DNM3: variants seen among roughly 807,000 people sequenced by gnomAD.
The protein encoded by DNM3 is dynamin 3.
A neutral mutation model predicts 101.6 loss-of-function variants in DNM3; 47 were observed. The ratio of observed to expected loss-of-function variants is 0.46; its 90% CI spans 0.37 to 0.59. The LOEUF (loss-of-function observed/expected upper bound fraction) is 0.59, where lower values mean the gene tolerates loss of function less well. Among genes scored for constraint, DNM3 ranks in the 20% least tolerant of loss-of-function variants. The pLI, the probability that DNM3 is intolerant of heterozygous loss-of-function variation, is 0.00. For synonymous variants in DNM3, 385 were observed against 387.9 expected (o/e 0.99, Z 0.09); for missense variants, 849 against 1,085.7 (o/e 0.78, Z 3.06).
intron 14 of DNM3, among the ~76,000 whole-genome samples, chr1:172,185,307 C>G (rs1046386419): frequency 6.6e-6 from 1 of 152,080 alleles, no homozygotes; most frequent in Non-Finnish European, 1.5e-5. Context: ...ACATTTGTTC[C>G]AATTTTATTC....
chr1:172,090,064 C>G (rs2053803706), intron 12 of DNM3, among the ~76,000 whole-genome samples: 1 of 152,094 alleles, frequency 6.6e-6, no homozygotes, highest in African/African-American at 2.4e-5. Flanking sequence ...CTTCTTTTCC[C>G]TTAAGTGATT....
At chr1:172,271,449 A>G (rs981137483) in intron 15 of DNM3, among the ~76,000 whole-genome samples, 4 of 152,048 alleles carry the variant, frequency 2.6e-5, no homozygotes, top group Non-Finnish European at 4.4e-5. Context: ...ACAGTTTTGC[A>G]AATCTTCTTA....
chr1:171,920,798 A>G lies in DNM3; in HGVS notation c.162-950A>G, dbSNP rs372080582. Among the ~76,000 whole-genome samples the G allele has an allele frequency of 1.2e-4, 18 of 152,340 alleles. No homozygotes were observed. The East Asian group carries it at 1.9e-3, about 16-fold the overall frequency. On this transcript the variant is annotated intron_variant, in intron 1 of 20. Coordinates refer to ENST00000627582, the MANE Select transcript of DNM3 (RefSeq NM_015569.5). ...ATATGTCATTTAAAATATGATCTTTATCAAAACGTCCATTTATCAGGAATA... is the reference window on the plus strand; with the variant it reads ...ATATGTCATTTAAAATATGATCTTTGTCAAAACGTCCATTTATCAGGAATA...
chr1:172,053,235 C>T (rs1474050144), intron 10 of DNM3, among the ~76,000 whole-genome samples: 1 of 152,072 alleles, frequency 6.6e-6, no homozygotes, highest in Non-Finnish European at 1.5e-5. Context: ...TTGCACTATC[C>T]TCAAAGATTT....
At chr1:171,902,854 A>G (rs535316853) in intron 1 of DNM3, among the ~76,000 whole-genome samples, 2 of 152,308 alleles carry the variant, frequency 1.3e-5, no homozygotes, top group African/African-American at 4.8e-5. Context: ...TATAGCATCT[A>G]TGTTAAAAAA....
At chr1:172,388,884 T>C (rs2069358320) in intron 20 of DNM3, 75 bp downstream of exon 20, 1 of 1,238,680 alleles carries the variant, frequency 8.1e-7, no homozygotes, top group Non-Finnish European at 1.1e-6. Context: ...CAAAATTTAT[T>C]TGAAAGAGAA....
exon 21 of DNM3, chr1:172,418,385 T>G (rs781629616): frequency 4.5e-5 from 56 of 1,240,592 alleles, no homozygotes; most frequent in Non-Finnish European, 5.6e-5. Context: ...GCTTTTCATT[T>G]GCACTATATG....
At chr1:172,405,389 A>T (rs1019901860) in intron 20 of DNM3, among the ~76,000 whole-genome samples, 2 of 152,054 alleles carry the variant, frequency 1.3e-5, no homozygotes, top group African/African-American at 4.8e-5. Context: ...ACAAACATGA[A>T]GTCATAGGGG....
chr1:171,985,504 C>T (rs1028562667), intron 2 of DNM3, among the ~76,000 whole-genome samples: 9 of 152,192 alleles, frequency 5.9e-5, no homozygotes, highest in Admixed American at 1.3e-4. Flanking sequence ...CTGATCTCTT[C>T]AGGCCAGATT....
chr1:171,987,441 T>C lies in DNM3; in HGVS notation c.236-215T>C. The stretch of plus-strand genomic sequence containing the variant: ...TGGTTTTAGTATTTAATTGCTTATC[T>C]GAAAATTGGCAAATTTAGCATCTAT... On this transcript the variant is annotated intron_variant, in intron 2 of 20. Coordinates refer to ENST00000627582, the MANE Select transcript of DNM3 (RefSeq NM_015569.5). The C allele has an allele frequency of 7.7e-6, 5 of 652,702 alleles. 1 individual carries two copies. The highest frequency in any genetic ancestry group is 9.5e-6 in the Non-Finnish European group (5 of 527,076). The allele number at this position is 652,702 out of a possible 1,614,324, so 40.4% of individuals were successfully genotyped here. A position where few individuals can be genotyped will look rare whatever the true frequency, so the allele number is the denominator to read the frequency against.
At position 172,369,763 on chromosome 1, in the gene DNM3, C is replaced by A. The variant is rs141865906; in HGVS notation, c.1894-9255C>A. Among the ~76,000 whole-genome samples, 31 of 151,998 alleles carry A rather than the reference C, an allele frequency of 2.0e-4. No homozygotes were observed. The East Asian group carries it at 5.4e-3, about 27-fold the overall frequency. On this transcript the variant is annotated intron_variant, in intron 17 of 20. Transcript: ENST00000627582. ...ACATTTTATTTTCATTAATTGATTACATATTGTATTAGTTTGCTAGAGATG... is the reference window on the plus strand; with the variant it reads ...ACATTTTATTTTCATTAATTGATTAAATATTGTATTAGTTTGCTAGAGATG...
Position 172,308,731 on chromosome 1 carries a change from T to C in DNM3, c.1773T>C (p.Asn591=). Residue 591 remains asparagine (N), a synonymous_variant, in exon 16 of 21, where the codon AAT becomes AAC. Transcript: ENST00000627582. The stretch of plus-strand genomic sequence containing the variant: ...TTTTTTTTTTTTTTAACTCCAGGAA[T>C]GTATACAAAGACTATCGCTTCCTTG... ...IFALFNTEQR[N]VYKDYRFLEL... 1 of 1,554,264 alleles carries C rather than the reference T, an allele frequency of 6.4e-7. No homozygotes were observed. Among genetic ancestry groups the C allele is most frequent in the Non-Finnish European group, 8.7e-7 (1 of 1,153,034 alleles).
At chr1:172,287,517 T>C (rs1573304476) in intron 15 of DNM3, among the ~76,000 whole-genome samples, 1 of 152,186 alleles carries the variant, frequency 6.6e-6, no homozygotes, top group African/African-American at 2.4e-5. Flanking sequence ...AATGCTCTTA[T>C]ATTTAAAAAT....
At chr1:171,916,644 G>A (rs182864387) in intron 1 of DNM3, among the ~76,000 whole-genome samples, 2 of 152,252 alleles carry the variant, frequency 1.3e-5, no homozygotes, top group Non-Finnish European at 2.9e-5. Context: ...CTACTGACTA[G>A]TGACTCATCA....
chr1:171,979,520 T>G (rs534154786), intron 2 of DNM3, among the ~76,000 whole-genome samples: 27 of 152,298 alleles, frequency 1.8e-4, no homozygotes, highest in Non-Finnish European at 2.4e-4. Context: ...TGAGCTCCTT[T>G]GGAAAAAAAT....
At chr1:172,030,942 A>C (rs1489381072) in intron 4 of DNM3, among the ~76,000 whole-genome samples, 1 of 152,200 alleles carries the variant, frequency 6.6e-6, no homozygotes, top group Non-Finnish European at 1.5e-5. Flanking sequence ...GAATGCTTTG[A>C]CACTGTTGGT....
rs542201502 is a variant in DNM3, at chr1:172,287,912, C to T, written c.1770-20816C>T. Among the ~76,000 whole-genome samples the T allele has an allele frequency of 3.3e-5, 5 of 152,140 alleles. No individual in the cohort carries two copies. In the South Asian group the frequency reaches 1.0e-3, roughly 32 times the overall value. On this transcript the variant is annotated intron_variant, in intron 15 of 20. Coordinates refer to ENST00000627582, the MANE Select transcript of DNM3 (RefSeq NM_015569.5). The stretch of plus-strand genomic sequence containing the variant: ...ATCACAGCTTATTTGCAGCCTCTAA[C>T]TCCTGGGCTCAAGCCATCCTCCTGC...
intron 16 of DNM3, among the ~76,000 whole-genome samples, chr1:172,316,128 C>T (rs2065339607): frequency 6.6e-6 from 1 of 151,986 alleles, no homozygotes; most frequent in Non-Finnish European, 1.5e-5. Flanking sequence ...ATTTCATATC[C>T]AGCCAAACTA....
chr1:172,085,407 T>A (rs891290369), intron 12 of DNM3, among the ~76,000 whole-genome samples: 1 of 152,130 alleles, frequency 6.6e-6, no homozygotes, highest in African/African-American at 2.4e-5. Flanking sequence ...GTGGAATGCC[T>A]TGGGAAGTGA....
Sources: allele counts gnomAD v4.1 joint callset (sites outside exome capture counted in the v4.1 genomes callset), GRCh38; gene constraint gnomAD v4.1.1; transcripts MANE v1.5; gene names NCBI Gene and HGNC (gene_info 2026-07-23, HGNC 2026-07-21).